GKAP1: variants seen among roughly 807,000 people sequenced by gnomAD.
GKAP1 encodes the protein G kinase anchoring protein 1.
A neutral mutation model predicts 56.7 loss-of-function variants in GKAP1; 31 were observed. The observed-to-expected ratio is 0.55, with a 90% CI of 0.41 to 0.74. The LOEUF is 0.74. GKAP1 is among the 30% of genes least tolerant of loss of function. The pLI is 0.00. For synonymous variants in GKAP1, 151 were observed against 138.6 expected (o/e 1.09, Z -0.63); for missense variants, 364 against 402.3 (o/e 0.90, Z 0.82).
At chr9:83,798,434 A>T (rs1944280938) in intron 4 of GKAP1, among the ~76,000 whole-genome samples, 1 of 152,222 alleles carries the variant, frequency 6.6e-6, no homozygotes, top group Non-Finnish European at 1.5e-5. Flanking sequence ...GAAGAACAAA[A>T]TATCATGTAA....
At chr9:83,804,792 C>T in intron 3 of GKAP1, among the ~76,000 whole-genome samples, 1 of 144,886 alleles carries the variant, frequency 6.9e-6, no homozygotes, top group East Asian at 2.1e-4. Context: ...GCCGCCCCTA[C>T]TGGGAAGTGA....
rs1413465064 is a variant in GKAP1 at position 83,806,489 on chromosome 9, G to A, written c.29C>T (p.Pro10Leu). 1 of 1,613,936 alleles carries A rather than the reference G, an allele frequency of 6.2e-7. No homozygotes were observed. Among genetic ancestry groups the A allele is most frequent in the African/African-American group, 1.3e-5 (1 of 74,914 alleles). ...CAGGGCAAAACGAGAAGCGGTGGTG[G>A]GAACAGAACTAAGTACTGCTGAGGC... MASAVLSSVPTTASRFALLQ... is the reference protein window; with the variant it reads MASAVLSSVLTTASRFALLQ... The change falls in exon 3 of 13, where the codon CCC becomes CTC. Residue 10 changes from proline (P) to leucine (L), a missense_variant. Physicochemically the swap from Pro to Leu is moderately conservative, Grantham distance 98 (BLOSUM62 -3). Coordinates refer to ENST00000376371, the MANE Select transcript of GKAP1 (RefSeq NM_025211.4).
intron 3 of GKAP1, among the ~76,000 whole-genome samples, chr9:83,801,504 T>C (rs1051534939): frequency 1.3e-5 from 2 of 152,294 alleles, no homozygotes; most frequent in East Asian, 3.9e-4. Flanking sequence ...ATTGTGGTTT[T>C]TACCAAATAC....
chr9:83,789,303 CA>C, intron 4 of GKAP1, among the ~76,000 whole-genome samples: 1 of 152,018 alleles, frequency 6.6e-6, no homozygotes, highest in East Asian at 1.9e-4. Context: ...TTTTAAAATC[CA>C]GTTTTCACCA....
At chr9:83,765,442 G>A (rs1210987464) in intron 8 of GKAP1, among the ~76,000 whole-genome samples, 1 of 152,224 alleles carries the variant, frequency 6.6e-6, no homozygotes, top group African/African-American at 2.4e-5. Flanking sequence ...CCCTACTGGG[G>A]CACTGCCTAG....
chr9:83,787,387 C>T (rs552378908), intron 5 of GKAP1, among the ~76,000 whole-genome samples: 1 of 141,046 alleles, frequency 7.1e-6, no homozygotes, highest in East Asian at 2.1e-4. Context: ...CAGGCTCACA[C>T]CACCATGCCC....
chr9:83,740,016 C>T (rs562024475), intron 12 of GKAP1, among the ~76,000 whole-genome samples: 2 of 152,194 alleles, frequency 1.3e-5, no homozygotes, highest in South Asian at 2.1e-4. Flanking sequence ...TTTTAGAACT[C>T]ATTTTGACTG....
intron 4 of GKAP1, among the ~76,000 whole-genome samples, chr9:83,791,238 T>C (rs1460248977): frequency 2.0e-5 from 3 of 151,826 alleles, no homozygotes; most frequent in East Asian, 3.9e-4. Flanking sequence ...CCGTCTCTAC[T>C]AAAAATACAA....
intron 6 of GKAP1, among the ~76,000 whole-genome samples, chr9:83,782,479 C>T (rs1943990859): frequency 6.6e-6 from 1 of 151,656 alleles, no homozygotes; most frequent in South Asian, 2.1e-4. Context: ...CTGCCTCAGC[C>T]TCCTGAGTAG....
chr9:83,764,752 CA>C (rs1470186503), intron 8 of GKAP1, among the ~76,000 whole-genome samples: 1 of 152,104 alleles, frequency 6.6e-6, no homozygotes, highest in Non-Finnish European at 1.5e-5. Context: ...TATGCTTTAG[CA>C]AAGAAACTGG....
intron 10 of GKAP1, among the ~76,000 whole-genome samples, chr9:83,745,109 C>A (rs552238468): frequency 1.3e-5 from 2 of 152,286 alleles, no homozygotes; most frequent in African/African-American, 4.8e-5. Context: ...AGGATTACAG[C>A]AGTCTCAGCC....
At chr9:83,776,017 G>A (rs748513061) in intron 7 of GKAP1, among the ~76,000 whole-genome samples, 12 of 151,750 alleles carry the variant, frequency 7.9e-5, no homozygotes, top group South Asian at 6.3e-4. Context: ...ATGTGATCTC[G>A]CCTGAAGTGA....
intron 7 of GKAP1, among the ~76,000 whole-genome samples, chr9:83,771,317 A>G (rs1943756807): frequency 6.6e-6 from 1 of 152,050 alleles, no homozygotes; most frequent in Non-Finnish European, 1.5e-5. Context: ...TCCTGACCTC[A>G]GGTGATCCAC....
intron 8 of GKAP1, among the ~76,000 whole-genome samples, chr9:83,757,440 C>T (rs951924330): frequency 6.6e-5 from 10 of 152,204 alleles, no homozygotes; most frequent in African/African-American, 2.4e-4. Context: ...ATAGGTGTCA[C>T]ATACTCTGAC....
At chr9:83,744,210 C>A (rs1368118946) in intron 10 of GKAP1, among the ~76,000 whole-genome samples, 1 of 152,186 alleles carries the variant, frequency 6.6e-6, no homozygotes. Flanking sequence ...TGTAATATTT[C>A]AATTACAATC....
At chr9:83,758,102 GA>G (rs1269990562) in intron 8 of GKAP1, among the ~76,000 whole-genome samples, 3 of 152,304 alleles carry the variant, frequency 2.0e-5, no homozygotes, top group Non-Finnish European at 4.4e-5. Context: ...CAGTTGTGGA[GA>G]AATTAGTAAT....
At chr9:83,813,252 A>G (rs1564219099) in intron 2 of GKAP1, among the ~76,000 whole-genome samples, 2 of 152,228 alleles carry the variant, frequency 1.3e-5, no homozygotes, top group Non-Finnish European at 2.9e-5. Context: ...TTATATACAC[A>G]TAATATAATT....
At chr9:83,797,532 C>T (rs1351847083) in intron 4 of GKAP1, among the ~76,000 whole-genome samples, 2 of 152,204 alleles carry the variant, frequency 1.3e-5, no homozygotes, top group Non-Finnish European at 2.9e-5. Context: ...TCTACTTCCA[C>T]ACATTATTTT....
At chr9:83,798,270 A>T (rs1944278712) in intron 4 of GKAP1, among the ~76,000 whole-genome samples, 1 of 152,246 alleles carries the variant, frequency 6.6e-6, no homozygotes, top group South Asian at 2.1e-4. Context: ...AGGCAAATAA[A>T]TAATTCATCA....
Sources: gnomAD v4.1 joint callset for allele counts (sites outside exome capture counted in the v4.1 genomes callset) on GRCh38, gnomAD v4.1.1 for gene constraint, MANE v1.5 for transcripts, NCBI Gene and HGNC (gene_info 2026-07-23, HGNC 2026-07-21) for gene names.